Variants in CCSER1 observed in about 807,000 individuals in gnomAD.
CCSER1 encodes the protein coiled-coil serine rich protein 1, also known as serine-rich coiled-coil domain-containing protein 1.
A neutral mutation model predicts 82.0 loss-of-function variants in CCSER1; 41 were observed. The ratio of observed to expected loss-of-function variants is 0.50; its 90% CI spans 0.39 to 0.65. The LOEUF is 0.65. Among genes scored for constraint, CCSER1 ranks in the 30% least tolerant of loss-of-function variants. The pLI is 0.00. For synonymous variants in CCSER1, 414 were observed against 383.9 expected (o/e 1.08, Z -0.92); for missense variants, 1,119 against 1,064.2 (o/e 1.05, Z -0.72).
intron 1 of CCSER1, among the ~76,000 whole-genome samples, chr4:90,295,268 A>T (rs1335523428): frequency 6.6e-6 from 1 of 152,024 alleles, no homozygotes; most frequent in African/African-American, 2.4e-5. Flanking sequence ...TAATTTTTAA[A>T]TGACTTTAAC....
intron 8 of CCSER1, among the ~76,000 whole-genome samples, chr4:90,919,569 G>A (rs1728075434): frequency 6.6e-6 from 1 of 151,826 alleles, no homozygotes; most frequent in African/African-American, 2.4e-5. Flanking sequence ...CTTACAGAAG[G>A]AAAGGGAATG....
intron 1 of CCSER1, among the ~76,000 whole-genome samples, chr4:90,284,407 A>T (rs535028816): frequency 4.0e-5 from 6 of 151,842 alleles, no homozygotes; most frequent in Admixed American, 1.3e-4. Context: ...TTGCCCAGAC[A>T]CATGTCCTGG....
intron 8 of CCSER1, among the ~76,000 whole-genome samples, chr4:90,894,877 C>T (rs969021263): frequency 5.3e-5 from 8 of 151,838 alleles, no homozygotes; most frequent in Non-Finnish European, 8.8e-5. Flanking sequence ...ATTTAATTGG[C>T]ATGTGGTTTG....
Position 90,844,686 on chromosome 4 carries a change from C to CT in CCSER1, c.2094+28850dup, listed in dbSNP as rs926749210. ...CACTTGTTTCATTCCTATTATCCTG[C>CT]TTTTTTTTTCTCTGCATAGCATTTT... On this transcript the variant is annotated intron_variant, in intron 8 of 10. Coordinates refer to ENST00000509176, the MANE Select transcript of CCSER1 (RefSeq NM_001145065.2). Among the ~76,000 whole-genome samples, 7 of 151,714 alleles carry CT rather than the reference C, an allele frequency of 4.6e-5. No homozygotes were observed. In the South Asian group the frequency reaches 1.0e-3, roughly 23 times the overall value.
At chr4:90,867,659 T>C (rs1365789599) in intron 8 of CCSER1, among the ~76,000 whole-genome samples, 1 of 152,056 alleles carries the variant, frequency 6.6e-6, no homozygotes, top group Non-Finnish European at 1.5e-5. Flanking sequence ...TATATTTTTT[T>C]ACTCATTAAC....
intron 10 of CCSER1, among the ~76,000 whole-genome samples, chr4:91,256,899 T>G (rs1740735509): frequency 6.6e-6 from 1 of 152,234 alleles, no homozygotes; most frequent in African/African-American, 2.4e-5. Flanking sequence ...TCATGCTTCT[T>G]GGGTTAAACA....
intron 5 of CCSER1, among the ~76,000 whole-genome samples, chr4:90,620,467 A>C (rs928512595): frequency 6.6e-6 from 1 of 152,156 alleles, no homozygotes; most frequent in African/African-American, 2.4e-5. Context: ...ATTACATAGA[A>C]TTGTGCAAGG....
At chr4:90,899,637 T>A (rs1363523704) in intron 8 of CCSER1, among the ~76,000 whole-genome samples, 1 of 152,088 alleles carries the variant, frequency 6.6e-6, no homozygotes, top group Non-Finnish European at 1.5e-5. Context: ...GATGCCTAGA[T>A]TGTTGAGGGT....
chr4:90,692,662 A>C (rs544852520), intron 6 of CCSER1, among the ~76,000 whole-genome samples: 6 of 151,776 alleles, frequency 4.0e-5, no homozygotes, highest in Admixed American at 6.6e-5. Context: ...TAACCATTTC[A>C]ATTAGCTAAC....
At chr4:90,932,937 A>G (rs1441500837) in intron 9 of CCSER1, among the ~76,000 whole-genome samples, 7 of 33,872 alleles carry the variant, frequency 2.1e-4, no homozygotes, top group Admixed American at 2.8e-4. Flanking sequence ...AAAGAAAGAA[A>G]GAAAGAAAGA....
intron 7 of CCSER1, among the ~76,000 whole-genome samples, chr4:90,796,467 T>G (rs1028022097): frequency 4.0e-5 from 6 of 151,242 alleles, no homozygotes; most frequent in Admixed American, 4.0e-4. Flanking sequence ...TTTTGAAGGG[T>G]TTTTCTTGTC....
intron 1 of CCSER1, among the ~76,000 whole-genome samples, chr4:90,144,218 C>T (rs1364077496): frequency 1.3e-5 from 2 of 152,106 alleles, no homozygotes; most frequent in East Asian, 1.9e-4. Context: ...CCATACCTTG[C>T]CTGTTCAAAT....
At chr4:90,939,601 A>T (rs1731358405) in intron 9 of CCSER1, among the ~76,000 whole-genome samples, 1 of 152,228 alleles carries the variant, frequency 6.6e-6, no homozygotes, top group South Asian at 2.1e-4. Flanking sequence ...CATAGAGCCA[A>T]GAAGAAGAAA....
intron 1 of CCSER1, among the ~76,000 whole-genome samples, chr4:90,237,763 G>A (rs10015971): frequency 6.6e-6 from 1 of 151,962 alleles, no homozygotes. Context: ...AAAGAGGAAC[G>A]TTAAATTGAA....
rs566017313 is a variant in CCSER1 at position 91,114,002 on chromosome 4, A to G, written c.2217+28008A>G. Among the ~76,000 whole-genome samples, 24 of 152,042 alleles carry G rather than the reference A, an allele frequency of 1.6e-4. No homozygotes were observed. In the South Asian group the frequency reaches 2.7e-3, roughly 17 times the overall value. On this transcript the variant is annotated intron_variant, in intron 10 of 10. Transcript: ENST00000509176. ...CGAGTAGTTGGGACCACAGGCGCCC[A>G]CTACCACGCCCGGCTAATTTTTTGT...
intron 8 of CCSER1, among the ~76,000 whole-genome samples, chr4:90,848,119 G>A (rs543705396): frequency 6.6e-6 from 1 of 152,270 alleles, no homozygotes; most frequent in East Asian, 1.9e-4. Context: ...AATTAACAAT[G>A]CATAGTTGTA....
chr4:91,078,409 A>C (rs1326015568), intron 9 of CCSER1, among the ~76,000 whole-genome samples: 2 of 152,204 alleles, frequency 1.3e-5, no homozygotes, highest in African/African-American at 4.8e-5. Flanking sequence ...ACATCCACAC[A>C]AAAACCCCAT....
At chr4:90,158,319 G>A (rs942462901) in intron 1 of CCSER1, among the ~76,000 whole-genome samples, 1 of 152,166 alleles carries the variant, frequency 6.6e-6, no homozygotes, top group Non-Finnish European at 1.5e-5. Flanking sequence ...CTGCTCGGGG[G>A]TCAGGGGTCA....
At chr4:90,422,649 A>G (rs1208601100) in intron 4 of CCSER1, among the ~76,000 whole-genome samples, 1 of 150,830 alleles carries the variant, frequency 6.6e-6, no homozygotes, top group Non-Finnish European at 1.5e-5. Flanking sequence ...TCGAAAACAG[A>G]AAAAAAAACA....
Sources: gnomAD v4.1 joint callset for allele counts (sites outside exome capture counted in the v4.1 genomes callset) on GRCh38, gnomAD v4.1.1 for gene constraint, MANE v1.5 for transcripts, NCBI Gene and HGNC (gene_info 2026-07-23, HGNC 2026-07-21) for gene names.